Variants in DGCR8 observed in about 807,000 individuals in gnomAD.
The protein encoded by DGCR8 is DGCR8 microprocessor complex subunit.
Under a neutral mutation model 78.5 loss-of-function variants are expected in DGCR8, and 14 were observed. That is an observed-to-expected ratio of 0.18 (90% CI 0.12 to 0.28). The LOEUF (loss-of-function observed/expected upper bound fraction) is 0.28. Among genes scored for constraint, DGCR8 ranks in the 10% least tolerant of loss-of-function variants. The pLI is 1.00. For missense variants in DGCR8, 702 were observed against 1,022.5 expected, an observed-to-expected ratio of 0.69 and a Z score of 4.28; for synonymous variants, 399 against 402.4, an observed-to-expected ratio of 0.99 and a Z score of 0.10.
Position 20,106,292 on chromosome 22 carries a change from T to A in DGCR8, c.1889+15T>A. The A allele has an allele frequency of 1.3e-6, 2 of 1,586,052 alleles. No individual in the cohort carries two copies. The highest frequency in any genetic ancestry group is 1.7e-6 in the Non-Finnish European group (2 of 1,155,982). On this transcript the variant is annotated intron_variant, in intron 10 of 13. Transcript: ENST00000351989. ...TGCCTTAAAAGGTAGGGTAGGGGGG[T>A]GCCTCCCCCCATGAGTCAGGTCGGG... is the stretch of plus-strand genomic sequence containing the variant.
At chr22:20,082,067 G>GT (rs1388874190) in intron 1 of DGCR8, among the ~76,000 whole-genome samples, 3 of 104,056 alleles carry the variant, frequency 2.9e-5, no homozygotes, top group East Asian at 2.7e-4. Context: ...TTTTTTTTTT[G>GT]TTTTTTTGAG....
intron 13 of DGCR8, among the ~76,000 whole-genome samples, chr22:20,109,364 C>A (rs886776407): frequency 1.3e-5 from 2 of 152,214 alleles, no homozygotes; most frequent in Non-Finnish European, 2.9e-5. Flanking sequence ...CCTAAAGCCA[C>A]CTTGGGAACC....
intron 10 of DGCR8, 102 bp from the exon 11 acceptor site, chr22:20,106,490 G>A (rs901726223): frequency 2.2e-6 from 2 of 922,820 alleles, no homozygotes; most frequent in Admixed American, 1.9e-5. Context: ...AGTCTGGGGA[G>A]AGGCTTGGTC....
At chr22:20,106,448 G>C in intron 10 of DGCR8, 144 bp from the exon 11 acceptor site, 1 of 806,888 alleles carries the variant, frequency 1.2e-6, no homozygotes, top group South Asian at 1.6e-5. Flanking sequence ...TGAATCGGGC[G>C]TGTGGAGAAT....
chr22:20,092,696 C>G, intron 7 of DGCR8, 113 bp from the exon 8 acceptor site: 1 of 866,552 alleles, frequency 1.2e-6, no homozygotes, highest in Non-Finnish European at 1.8e-6. Flanking sequence ...CACAGGCCCA[C>G]TCTCTGCAGG....
chr22:20,099,604 T>C, intron 9 of DGCR8, among the ~76,000 whole-genome samples: 1 of 152,220 alleles, frequency 6.6e-6, no homozygotes, highest in South Asian at 2.1e-4. Flanking sequence ...TTGTCTTTCT[T>C]GAATCAACAC....
At chr22:20,088,504 G>A (rs1008223308) in intron 3 of DGCR8, among the ~76,000 whole-genome samples, 2 of 152,182 alleles carry the variant, frequency 1.3e-5, no homozygotes, top group African/African-American at 4.8e-5. Context: ...AGCAGCCCCA[G>A]CGGACCCGTG....
chr22:20,085,020 A>G lies in DGCR8; in HGVS notation c.-277-667A>G. 1 of 984,898 alleles carries G rather than the reference A, an allele frequency of 1.0e-6. No individual in the cohort carries two copies. The highest frequency in any genetic ancestry group is 1.2e-6 in the Non-Finnish European group (1 of 829,784). The allele number at this position is 984,898 out of a possible 1,614,324, so 61.0% of individuals were successfully genotyped here. A position where few individuals can be genotyped will look rare whatever the true frequency, so the allele number is the denominator to read the frequency against. ...CTCCAGCTGTCTCTTGTGGCTCCCC[A>G]CCCCAAATCCTGGCAGGTCCCTTCC... On this transcript the variant is annotated intron_variant, in intron 1 of 13. Transcript: ENST00000351989. The surrounding 1 kb of genome is among the most constrained non-coding windows in gnomAD (Gnocchi z 6.2).
chr22:20,102,332 C>G (rs1488162631), intron 9 of DGCR8, among the ~76,000 whole-genome samples: 1 of 152,148 alleles, frequency 6.6e-6, no homozygotes, highest in Non-Finnish European at 1.5e-5. Context: ...TGGTACGTAG[C>G]CTTTGAACCT....
In DGCR8 at chr22:20,106,286, G is replaced by A. The variant is rs1186656589; in HGVS notation, c.1889+9G>A. 1 of 1,606,506 alleles carries A rather than the reference G, an allele frequency of 6.2e-7. No individual in the cohort carries two copies. The highest frequency in any genetic ancestry group is 2.2e-5 in the East Asian group (1 of 44,840). On this transcript the variant is annotated intron_variant, in intron 10 of 13. Coordinates refer to ENST00000351989, the MANE Select transcript of DGCR8 (RefSeq NM_022720.7). Reference sequence around the variant, plus strand: ...CACGAGTGCCTTAAAAGGTAGGGTAGGGGGGTGCCTCCCCCCATGAGTCAG... The same window carrying A: ...CACGAGTGCCTTAAAAGGTAGGGTAAGGGGGTGCCTCCCCCCATGAGTCAG...
In DGCR8 at chr22:20,086,818, A is replaced by C. The variant is rs2049490087; in HGVS notation, c.720+135A>C. On this transcript the variant is annotated intron_variant, in intron 2 of 13. Coordinates refer to ENST00000351989, the MANE Select transcript of DGCR8 (RefSeq NM_022720.7). The surrounding 1 kb of genome is among the most constrained non-coding windows in gnomAD (Gnocchi z 6.4). Reference sequence around the variant, plus strand: ...CCAAAATCCCCTCTGAGGTGGAATAATGTTAATGTGGAGAAGAGAAAGATG... The same window carrying C: ...CCAAAATCCCCTCTGAGGTGGAATACTGTTAATGTGGAGAAGAGAAAGATG... The C allele has an allele frequency of 9.3e-7, 1 of 1,073,660 alleles. No individual in the cohort carries two copies. The highest frequency in any genetic ancestry group is 1.6e-5 in the African/African-American group (1 of 63,010). The allele number at this position is 1,073,660 out of a possible 1,614,324, so 66.5% of individuals were successfully genotyped here. A position where few individuals can be genotyped will look rare whatever the true frequency, so the allele number is the denominator to read the frequency against.
Position 20,086,941 on chromosome 22 carries a change from A to T in DGCR8, c.721-221A>T. ...GCGCGTGGGGCAGCAGGTGCTGCTG[A>T]GTTACGCTCCTTGGCAGTGTGTGCC... On this transcript the variant is annotated intron_variant, in intron 2 of 13. Transcript: ENST00000351989. The surrounding 1 kb of genome is among the most constrained non-coding windows in gnomAD (Gnocchi z 6.4). The T allele has an allele frequency of 1.4e-6, 1 of 736,298 alleles. No individual in the cohort carries two copies. The highest frequency in any genetic ancestry group is 2.1e-6 in the Non-Finnish European group (1 of 465,280). The allele number at this position is 736,298 out of a possible 1,614,324, so 45.6% of individuals were successfully genotyped here. A position where few individuals can be genotyped will look rare whatever the true frequency, so the allele number is the denominator to read the frequency against.
Position 20,106,209 on chromosome 22 carries a change from G to C in DGCR8, c.1821G>C (p.Arg607=). Residue 607 remains arginine (R), a synonymous_variant, in exon 10 of 14, where the codon CGG becomes CGC. Coordinates refer to ENST00000351989, the MANE Select transcript of DGCR8 (RefSeq NM_022720.7). ...YFNHISIEDS[R]VYELTSKAGL... ...ACCACATCAGCATCGAGGACTCGCG[G>C]GTCTACGAGCTGACCAGCAAGGCTG... 6.2e-7 allele frequency: 1 copy of C among 1,614,048 alleles called. No individual in the cohort carries two copies. Among genetic ancestry groups the C allele is most frequent in the Non-Finnish European group, 8.5e-7 (1 of 1,180,036 alleles).
At chr22:20,107,646 T>C in intron 12 of DGCR8, 1 of 521,724 alleles carries the variant, frequency 1.9e-6, no homozygotes. Context: ...CCCAGCTATG[T>C]GGCTTGTAGG....
rs766556457 is a variant in DGCR8, at chr22:20,106,164, C to T, written c.1789-13C>T. ...CCTGGTGGGGACTCACAAGCCTCTG[C>T]TTTGTGTTGTAGTATTTTAACCACA... On this transcript the variant is annotated splice_polypyrimidine_tract_variant and intron_variant, in intron 9 of 13. Transcript: ENST00000351989. 9 of 1,611,816 alleles carry T rather than the reference C, an allele frequency of 5.6e-6. No individual in the cohort carries two copies. The Middle Eastern group carries it at 5.0e-4, about 89-fold the overall frequency.
rs2049401995 is a variant in DGCR8, at chr22:20,080,299, C to G, written c.-362C>G. The stretch of plus-strand genomic sequence containing the variant: ...CGACCGGAGAGCCTGGACAGGCTTT[C>G]CAGATGGCTGCGGCGGTCGGTCGGT... On this transcript the variant is annotated 5_prime_UTR_variant, in exon 1 of 14. Transcript: ENST00000351989. The G allele has an allele frequency of 2.7e-5, 26 of 980,990 alleles. No individual in the cohort carries two copies. Among genetic ancestry groups the G allele is most frequent in the Non-Finnish European group, 3.1e-5 (26 of 828,224 alleles). 60.8% of individuals were successfully genotyped at this position (980,990 alleles called of 1,614,324 possible).
chr22:20,094,527 T>A (rs1265012467), intron 8 of DGCR8, among the ~76,000 whole-genome samples, 186 bp from the exon 9 acceptor site: 1 of 152,224 alleles, frequency 6.6e-6, no homozygotes. Context: ...TCTGGTAGCC[T>A]GCCACACGTC....
intron 5 of DGCR8, 114 bp from the exon 6 acceptor site, chr22:20,091,321 C>T (rs965000607): frequency 3.7e-5 from 38 of 1,022,812 alleles, no homozygotes; most frequent in African/African-American, 6.4e-5. Flanking sequence ...TTGAAAGGGA[C>T]GGGGAAAGGA....
In DGCR8 at chr22:20,089,526, A is replaced by G; in HGVS notation, c.881-143A>G. ...TAGGCCTGGAGGCATAGCAGTGAGC[A>G]AGGCAGAGAGGAATTTCGATTATCT... On this transcript the variant is annotated intron_variant, in intron 3 of 13. Transcript: ENST00000351989. The surrounding 1 kb of genome is among the most constrained non-coding windows in gnomAD (Gnocchi z 4.9). The G allele has an allele frequency of 1.1e-6, 1 of 908,720 alleles. No individual in the cohort carries two copies. The highest frequency in any genetic ancestry group is 1.7e-6 in the Non-Finnish European group (1 of 592,232). 56.3% of individuals were successfully genotyped at this position (908,720 alleles called of 1,614,324 possible). A position where few individuals can be genotyped will look rare whatever the true frequency, so the allele number is the denominator to read the frequency against.
Sources: gnomAD v4.1 joint callset for allele counts (sites outside exome capture counted in the v4.1 genomes callset) on GRCh38, gnomAD v4.1.1 for gene constraint, Gnocchi (gnomAD v3.1) non-coding constraint, MANE v1.5 for transcripts, NCBI Gene and HGNC (gene_info 2026-07-23, HGNC 2026-07-21) for gene names.